The following TLL1 variants were observed in gnomAD, a reference collection of about 807,000 sequenced individuals.
TLL1 encodes the protein tolloid like 1.
In TLL1, 49 loss-of-function variants were observed where a neutral mutation model predicts 128.2. The observed-to-expected ratio is 0.38, with a 90% CI of 0.30 to 0.48. The LOEUF (loss-of-function observed/expected upper bound fraction) is 0.48. Ranked by LOEUF, TLL1 falls within the 20% of genes least tolerant of loss-of-function variation. The probability of loss-of-function intolerance (pLI) is 0.96; values close to 1 mark genes in which losing one functional copy is unlikely to be tolerated. For synonymous variants in TLL1, 454 were observed against 418.8 expected, an observed-to-expected ratio of 1.08 and a Z score of -1.03; for missense variants, 1,123 against 1,242.0, an observed-to-expected ratio of 0.90 and a Z score of 1.44.
In TLL1 at chr4:166,057,314, G is replaced by C. The variant is rs760596816; in HGVS notation, c.1846+5G>C. The C allele has an allele frequency of 6.2e-7, 1 of 1,613,556 alleles. No homozygotes were observed. Among genetic ancestry groups the C allele is most frequent in the African/African-American group, 1.3e-5 (1 of 74,840 alleles). Reference sequence around the variant, plus strand: ...CAGACAGAAGGAGCTGTGAAGGTATGACTGCACTCCTTCCTGGACCCCCAC... The same window carrying C: ...CAGACAGAAGGAGCTGTGAAGGTATCACTGCACTCCTTCCTGGACCCCCAC... On this transcript the variant is annotated splice_donor_5th_base_variant and intron_variant, in intron 14 of 20. Coordinates refer to ENST00000061240, the MANE Select transcript of TLL1 (RefSeq NM_012464.5).
intron 8 of TLL1, among the ~76,000 whole-genome samples, chr4:166,021,432 CTTTT>C (rs113942126): frequency 5.0e-5 from 6 of 120,432 alleles, no homozygotes; most frequent in African/African-American, 1.6e-4. Context: ...TTATTTTTGC[CTTTT>C]TTTTTTTTTT....
At chr4:165,937,600 G>C (rs1288922927) in intron 1 of TLL1, among the ~76,000 whole-genome samples, 3 of 151,846 alleles carry the variant, frequency 2.0e-5, no homozygotes, top group African/African-American at 7.3e-5. Context: ...TTAATGCTCT[G>C]CACAGTTTCT....
chr4:166,048,504 T>C (rs1418707494), intron 12 of TLL1, among the ~76,000 whole-genome samples: 1 of 152,196 alleles, frequency 6.6e-6, no homozygotes, highest in East Asian at 1.9e-4. Context: ...TTAAGACCAG[T>C]ATACTGAAGT....
intron 1 of TLL1, among the ~76,000 whole-genome samples, chr4:165,964,455 C>T (rs1735270849): frequency 6.6e-6 from 1 of 152,152 alleles, no homozygotes. Context: ...TGTGTTTGGG[C>T]ATGATGGACC....
intron 1 of TLL1, among the ~76,000 whole-genome samples, chr4:165,932,926 C>T (rs1289681442): frequency 6.6e-6 from 1 of 152,120 alleles, no homozygotes; most frequent in African/African-American, 2.4e-5. Context: ...TATAATACCA[C>T]TCTCATCAAC....
chr4:165,908,291 C>G (rs887604136), intron 1 of TLL1, among the ~76,000 whole-genome samples: 2 of 152,042 alleles, frequency 1.3e-5, no homozygotes, highest in African/African-American at 4.8e-5. Flanking sequence ...TTGTAGCACC[C>G]CTTAAATAGA....
At chr4:166,086,070 T>C (rs1291366997) in intron 18 of TLL1, among the ~76,000 whole-genome samples, 1 of 152,134 alleles carries the variant, frequency 6.6e-6, no homozygotes, top group Non-Finnish European at 1.5e-5. Context: ...ATTTAGATGA[T>C]CTAGCAGTTA....
At chr4:165,968,525 G>T (rs1579560095) in intron 1 of TLL1, among the ~76,000 whole-genome samples, 1 of 152,072 alleles carries the variant, frequency 6.6e-6, no homozygotes, top group South Asian at 2.1e-4. Flanking sequence ...ATCTGTTTAA[G>T]GTTCAATCCT....
At chr4:165,994,295 G>C in intron 3 of TLL1, 86 bp from the exon 4 acceptor site, 10 of 1,513,686 alleles carry the variant, frequency 6.6e-6, no homozygotes, top group Non-Finnish European at 9.1e-6. Context: ...ATGTAAATAA[G>C]ACATTTTAAC....
chr4:165,968,919 G>A (rs1395464776), intron 1 of TLL1, among the ~76,000 whole-genome samples: 2 of 152,110 alleles, frequency 1.3e-5, no homozygotes, highest in Non-Finnish European at 1.5e-5. Context: ...TGCTGCCTGA[G>A]TGGTGAAAAG....
chr4:165,993,844 G>T (rs1457520006), intron 3 of TLL1, among the ~76,000 whole-genome samples: 1 of 152,064 alleles, frequency 6.6e-6, no homozygotes, highest in Non-Finnish European at 1.5e-5. Context: ...CTGGAATGGA[G>T]ATAGCTTGTT....
intron 7 of TLL1, among the ~76,000 whole-genome samples, chr4:166,010,584 C>T (rs922695964): frequency 3.3e-5 from 5 of 149,484 alleles, no homozygotes; most frequent in Non-Finnish European, 4.5e-5. Flanking sequence ...AATTTTTTTT[C>T]CATTTCTTAG....
At chr4:166,097,189 A>C (rs1273177959) in intron 19 of TLL1, among the ~76,000 whole-genome samples, 1 of 152,092 alleles carries the variant, frequency 6.6e-6, no homozygotes, top group Non-Finnish European at 1.5e-5. Context: ...GCACCTGGGC[A>C]ATTTGACTGG....
intron 12 of TLL1, among the ~76,000 whole-genome samples, chr4:166,044,956 A>G (rs1206486882): frequency 2.6e-5 from 4 of 152,198 alleles, no homozygotes; most frequent in Non-Finnish European, 4.4e-5. Context: ...TTATTTATCA[A>G]TGCAATAGCA....
At chr4:165,926,748 GC>G (rs1733287390) in intron 1 of TLL1, among the ~76,000 whole-genome samples, 2 of 152,256 alleles carry the variant, frequency 1.3e-5, no homozygotes, top group Admixed American at 6.5e-5. Flanking sequence ...GGAGCTAGAA[GC>G]CAGACTCCAA....
intron 1 of TLL1, among the ~76,000 whole-genome samples, chr4:165,908,849 C>T (rs1284029292): frequency 1.3e-5 from 2 of 152,032 alleles, no homozygotes; most frequent in Non-Finnish European, 2.9e-5. Flanking sequence ...TATATGGATT[C>T]TGGATGTATT....
At chr4:165,879,265 T>G (rs1250872421) in intron 1 of TLL1, among the ~76,000 whole-genome samples, 1 of 152,106 alleles carries the variant, frequency 6.6e-6, no homozygotes, top group African/African-American at 2.4e-5. Context: ...TATGAAAGCC[T>G]AATATAAGCC....
At chr4:166,066,854 CATTT>C (rs752063366) in intron 16 of TLL1, among the ~76,000 whole-genome samples, 8 of 151,644 alleles carry the variant, frequency 5.3e-5, no homozygotes, top group Non-Finnish European at 4.4e-5. Flanking sequence ...CTCAGGTATT[CATTT>C]AAGATTTATG....
intron 1 of TLL1, among the ~76,000 whole-genome samples, chr4:165,878,442 A>C (rs895872021): frequency 1.3e-5 from 2 of 152,074 alleles, no homozygotes; most frequent in African/African-American, 4.8e-5. Context: ...GGGATGGATA[A>C]GACATTATAT....
Sources: allele counts gnomAD v4.1 joint callset (sites outside exome capture counted in the v4.1 genomes callset), GRCh38; gene constraint gnomAD v4.1.1; transcripts MANE v1.5; gene names NCBI Gene and HGNC (gene_info 2026-07-23, HGNC 2026-07-21).